Variants in ADGRG4 observed in about 807,000 individuals in gnomAD.
The protein encoded by ADGRG4 is G protein-coupled receptor 112.
In ADGRG4, 122 loss-of-function variants were observed where a neutral mutation model predicts 126.2. The observed-to-expected ratio is 0.97, with a 90% CI of 0.83 to 1.12. The LOEUF is 1.12. ADGRG4 is among the 50% of genes most tolerant of loss of function. ADGRG4 has a pLI of 0.00. For missense variants in ADGRG4, 2,481 were observed against 2,251.8 expected, an observed-to-expected ratio of 1.10 and a Z score of -2.06; for synonymous variants, 943 against 838.7, an observed-to-expected ratio of 1.12 and a Z score of -2.15.
intron 5 of ADGRG4, among the ~76,000 whole-genome samples, chrX:136,340,465 C>T (rs1357906432): frequency 1.8e-5 from 2 of 111,492 alleles, no homozygotes; most frequent in African/African-American, 6.5e-5. Context: ...AGCAAAGTCG[C>T]CTTGATGTTT....
intron 18 of ADGRG4, 41 bp from the exon 19 acceptor site, chrX:136,395,349 A>G (rs1445654699): frequency 1.1e-6 from 1 of 916,900 alleles, no homozygotes; most frequent in Middle Eastern, 2.7e-4. Context: ...CATTTCTGAG[A>G]AAAACAAAAT....
intron 1 of ADGRG4, among the ~76,000 whole-genome samples, chrX:136,303,128 T>A (rs960500760): frequency 8.9e-6 from 1 of 112,032 alleles, no homozygotes; most frequent in Admixed American, 9.5e-5. Flanking sequence ...TGAAACCATA[T>A]GGGCAATATA....
rs752323839 is a variant in ADGRG4 at position 136,363,498 on chromosome X, C to A, written c.7299C>A (p.Gly2433=). The change falls in exon 13 of 26, where the codon GGC becomes GGA. Residue 2433 remains glycine, a synonymous_variant. Transcript: ENST00000394143. Reference sequence around the variant, plus strand: ...TCAGTTCAATCAGCATCAACACGGGCAAATCTCAGTGGGAAAAGCCAAAGT... The same window carrying A: ...TCAGTTCAATCAGCATCAACACGGGAAAATCTCAGTGGGAAAAGCCAAAGT... ...TRFCSISINT[G]KSQWEKPKFK... 95 of 1,192,911 alleles carry A rather than the reference C, an allele frequency of 8.0e-5. No homozygotes were observed. Among genetic ancestry groups the A allele is most frequent in the Non-Finnish European group, 1.0e-4 (92 of 879,722 alleles).
Position 136,400,028 on chromosome X carries a change from G to A in ADGRG4, c.8487G>A (p.Leu2829=), listed in dbSNP as rs1330239899. The A allele has an allele frequency of 7.5e-6, 9 of 1,207,150 alleles. No individual in the cohort carries two copies. The highest frequency in any genetic ancestry group is 1.0e-5 in the Non-Finnish European group (9 of 891,323). The change falls in exon 21 of 26, where the codon CTG becomes CTA. Residue 2829 remains leucine, a synonymous_variant. Transcript: ENST00000394143. ...FLLVSFTWMG[L]EAVHMYLALV... ...TTGTTTCTTTTACTTGGATGGGCCT[G>A]GAGGCAGTCCACATGTATTTGGCTC...
At chrX:136,301,764 T>C (rs1268969702) in intron 1 of ADGRG4, among the ~76,000 whole-genome samples, 1 of 111,793 alleles carries the variant, frequency 8.9e-6, no homozygotes, top group African/African-American at 3.3e-5. Flanking sequence ...TTGTATAAGG[T>C]GTAAGGAAGG....
At chrX:136,342,913 T>TGA (rs1442800890) in intron 5 of ADGRG4, among the ~76,000 whole-genome samples, 58 of 82,186 alleles carry the variant, frequency 7.1e-4, no homozygotes, top group African/African-American at 2.8e-3. Flanking sequence ...TGTGTGTGTG[T>TGA]GTGTGTGTGA....
intron 1 of ADGRG4, among the ~76,000 whole-genome samples, chrX:136,301,358 T>C (rs1029533323): frequency 1.8e-5 from 2 of 112,782 alleles, no homozygotes; most frequent in African/African-American, 3.2e-5. Flanking sequence ...CATTTTTTCA[T>C]GTGTCTTTTG....
chrX:136,412,855 C>T (rs2075453570), intron 24 of ADGRG4, among the ~76,000 whole-genome samples: 1 of 111,947 alleles, frequency 8.9e-6, no homozygotes, highest in African/African-American at 3.3e-5. Context: ...GATGTTGCCT[C>T]TTAGCACTGG....
rs770773508 is a variant in ADGRG4, at chrX:136,345,959, G to A, written c.2253G>A (p.Met751Ile). The A allele has an allele frequency of 1.7e-6, 2 of 1,208,388 alleles. No individual in the cohort carries two copies. Among genetic ancestry groups the A allele is most frequent in the East Asian group, 3.0e-5 (1 of 33,734 alleles). ...IVSGTTSITN[M>I]PEFKLTTLLL... ...CTGGAACCACATCCATAACCAATAT[G>A]CCTGAATTTAAACTTACCACTTTAC... The change falls in exon 6 of 26, where the codon ATG becomes ATA. Residue 751 changes from methionine (M) to isoleucine (I), a missense_variant. Physicochemically the swap from Met to Ile is conservative, Grantham distance 10. Transcript: ENST00000394143.
chrX:136,396,366 CATATATAT>C (rs747291704), intron 19 of ADGRG4, among the ~76,000 whole-genome samples: 1 of 95,071 alleles, frequency 1.1e-5, no homozygotes, highest in African/African-American at 3.8e-5. Flanking sequence ...ATTTATTTTA[CATATATAT>C]ATATATATAT....
At position 136,349,871 on chromosome X, in the gene ADGRG4, C is replaced by T. The variant is rs372203296; in HGVS notation, c.6165C>T (p.Asn2055=). 10 of 1,207,783 alleles carry T rather than the reference C, an allele frequency of 8.3e-6. No individual in the cohort carries two copies. Among genetic ancestry groups the T allele is most frequent in the Admixed American group, 2.2e-5 (1 of 45,656 alleles). The change falls in exon 6 of 26, where the codon AAC becomes AAT. Residue 2055 remains asparagine, a synonymous_variant. Transcript: ENST00000394143. ...SDMISAHPFT[N]LTTLPSATMS... ...TGATATCAGCGCACCCATTCACTAA[C>T]TTGACAACACTACCCTCTGCTACTA...
At chrX:136,379,236 T>C (rs776455785) in intron 15 of ADGRG4, among the ~76,000 whole-genome samples, 1 of 111,761 alleles carries the variant, frequency 8.9e-6, no homozygotes, top group South Asian at 3.7e-4. Flanking sequence ...AAGAGTTTAT[T>C]TCATCTAACT....
In ADGRG4 at chrX:136,349,809, G is replaced by A; in HGVS notation, c.6103G>A (p.Val2035Ile). 1 of 1,210,481 alleles carries A rather than the reference G, an allele frequency of 8.3e-7. No homozygotes were observed. Among genetic ancestry groups the A allele is most frequent in the Non-Finnish European group, 1.1e-6 (1 of 895,028 alleles). Residue 2035 changes from valine (V) to isoleucine (I), a missense_variant, in exon 6 of 26, where the codon GTA becomes ATA. By Grantham distance (29) the Val-to-Ile change is conservative. Transcript: ENST00000394143. Reference sequence around the variant, plus strand: ...CCCTCATGTTATGACTTCCTCTACAGTAGAGGTGTCAAAATCAACATTTCT... The same window carrying A: ...CCCTCATGTTATGACTTCCTCTACAATAGAGGTGTCAAAATCAACATTTCT... ...NAPHVMTSSTVEVSKSTFLTS... is the reference protein window; with the variant it reads ...NAPHVMTSSTIEVSKSTFLTS...
chrX:136,395,587 A>T, intron 19 of ADGRG4, 94 bp downstream of exon 19: 1 of 451,162 alleles, frequency 2.2e-6, no homozygotes, highest in Non-Finnish European at 3.7e-6. Flanking sequence ...AATGGTATGC[A>T]TTTGGAAAAA....
intron 2 of ADGRG4, among the ~76,000 whole-genome samples, chrX:136,304,531 C>T (rs1270183935): frequency 3.6e-5 from 4 of 112,181 alleles, no homozygotes; most frequent in Non-Finnish European, 1.9e-5. Flanking sequence ...TTCTTCATTT[C>T]AGCAAACATT....
At chrX:136,307,345 A>C (rs2074740527) in intron 3 of ADGRG4, among the ~76,000 whole-genome samples, 2 of 112,452 alleles carry the variant, frequency 1.8e-5, no homozygotes, top group South Asian at 7.4e-4. Context: ...TTAAGGAACA[A>C]AAATATGTAT....
chrX:136,343,642 C>T (rs2074993059), intron 5 of ADGRG4, among the ~76,000 whole-genome samples: 1 of 111,811 alleles, frequency 8.9e-6, no homozygotes, highest in Non-Finnish European at 1.9e-5. Flanking sequence ...ATTACTTCTA[C>T]TAAATAAATG....
chrX:136,334,891 C>G (rs1281072026), intron 5 of ADGRG4, among the ~76,000 whole-genome samples: 2 of 110,414 alleles, frequency 1.8e-5, no homozygotes, highest in Non-Finnish European at 3.8e-5. Context: ...TTTTTTTTGC[C>G]TTTTTGGGGT....
intron 15 of ADGRG4, among the ~76,000 whole-genome samples, chrX:136,383,134 T>C (rs1357488322): frequency 1.8e-5 from 2 of 112,092 alleles, no homozygotes; most frequent in Non-Finnish European, 3.8e-5. Flanking sequence ...TCAAAAAAAA[T>C]GTGCATTCTA....
Sources: allele counts gnomAD v4.1 joint callset (sites outside exome capture counted in the v4.1 genomes callset), GRCh38; gene constraint gnomAD v4.1.1; transcripts MANE v1.5; gene names NCBI Gene and HGNC (gene_info 2026-07-23, HGNC 2026-07-21).